The following SZT2 variants were observed in gnomAD, a reference collection of about 807,000 sequenced individuals.
SZT2 encodes the protein KICSTOR complex protein SZT2.
SZT2 carries 216 observed loss-of-function variants against 404.2 expected under a neutral mutation model. The ratio of observed to expected loss-of-function variants is 0.53; its 90% CI spans 0.48 to 0.60. SZT2 has a LOEUF of 0.60. SZT2 is among the 20% of genes least tolerant of loss of function. SZT2 has a pLI of 0.00. For missense variants in SZT2, 3,857 were observed against 4,459.2 expected (o/e 0.86, Z 3.85); for synonymous variants, 1,693 against 1,749.9 (o/e 0.97, Z 0.81).
intron 4 of SZT2, among the ~76,000 whole-genome samples, chr1:43,408,591 A>T (rs534319454): frequency 1.7e-4 from 26 of 152,014 alleles, no homozygotes; most frequent in African/African-American, 6.0e-4. Context: ...TTATTTTTTT[A>T]ACATATAGTA....
rs769980337 is a variant in SZT2, at chr1:43,432,454, G to A, written c.5442+15G>A. 3 of 1,561,816 alleles carry A rather than the reference G, an allele frequency of 1.9e-6. No homozygotes were observed. In the East Asian group the frequency reaches 6.7e-5, roughly 35 times the overall value. ...TCGAAGGGGAGGTGAGTCTCACCTG[G>A]GAATGGAGGGGGGTGGTGGGTGTGT... On this transcript the variant is annotated intron_variant, in intron 37 of 71. Transcript: ENST00000634258.
rs1481217219 is a variant in SZT2 at position 43,451,978 on chromosome 1, G to C, written c.*1498G>C. On this transcript the variant is annotated 3_prime_UTR_variant, in exon 72 of 72. Coordinates refer to ENST00000634258, the MANE Select transcript of SZT2 (RefSeq NM_001365999.1). ...GGAAGTACTGGGGGTCAGTGATGCGGGTGTTGATGGGCTCCAGCAGTCCCA... is the reference window on the plus strand; with the variant it reads ...GGAAGTACTGGGGGTCAGTGATGCGCGTGTTGATGGGCTCCAGCAGTCCCA... 6 of 1,611,232 alleles carry C rather than the reference G, an allele frequency of 3.7e-6. No homozygotes were observed. The African/African-American group carries it at 6.7e-5, about 18-fold the overall frequency.
In SZT2 at chr1:43,452,907, C is replaced by T; in HGVS notation, c.*2427C>T. 6.2e-7 allele frequency: 1 copy of T among 1,601,548 alleles called. No homozygotes were observed. The highest frequency in any genetic ancestry group is 8.5e-7 in the Non-Finnish European group (1 of 1,174,896). ...CCATCCCAACAGGCTACATACATGT[C>T]CAGCCTCAGGAACGCTGCCAAATAC... is the stretch of plus-strand genomic sequence containing the variant. On this transcript the variant is annotated 3_prime_UTR_variant, in exon 72 of 72. Transcript: ENST00000634258.
chr1:43,421,422 G>A, intron 11 of SZT2, 119 bp downstream of exon 11: 1 of 1,401,782 alleles, frequency 7.1e-7, no homozygotes, highest in East Asian at 2.3e-5. Context: ...ACCTAAGCCA[G>A]AAGCCCAAGC....
At position 43,426,664 on chromosome 1, in the gene SZT2, C is replaced by T. The variant is rs755308331; in HGVS notation, c.3215-51C>T. On this transcript the variant is annotated intron_variant, in intron 22 of 71. Coordinates refer to ENST00000634258, the MANE Select transcript of SZT2 (RefSeq NM_001365999.1). The surrounding 1 kb of genome is among the most constrained non-coding windows in gnomAD (Gnocchi z 4.9). ...TCCCCCTTTCTTCAACCCAGAGTCC[C>T]GCCTCTCTGCTGGCCCTGCCCTCTT... The T allele has an allele frequency of 9.1e-6, 14 of 1,534,882 alleles. No homozygotes were observed. Among genetic ancestry groups the T allele is most frequent in the Admixed American group, 7.9e-5 (4 of 50,906 alleles).
chr1:43,445,937 C>T lies in SZT2; in HGVS notation c.8869C>T (p.Arg2957Ter), dbSNP rs746704533. The T allele has an allele frequency of 8.1e-6, 13 of 1,614,234 alleles. No homozygotes were observed. The highest frequency in any genetic ancestry group is 1.1e-5 in the Non-Finnish European group (13 of 1,180,040). ...RAMAILGTEG[R>*]GSFSCPKTKT... ...CATGGCTATCCTTGGAACAGAGGGT[C>T]GAGGCTCCTTCTCCTGCCCTAAAAC... The change falls in exon 63 of 72, where the codon CGA becomes TGA. Residue 2957 changes from arginine to a stop codon, truncating the protein, a stop_gained. Transcript: ENST00000634258. LOFTEE classifies it high-confidence loss of function.
At position 43,425,524 on chromosome 1, in the gene SZT2, A is replaced by G. The variant is rs1350726078; in HGVS notation, c.2696A>G (p.Asp899Gly). 1 of 1,614,032 alleles carries G rather than the reference A, an allele frequency of 6.2e-7. No homozygotes were observed. The highest frequency in any genetic ancestry group is 2.2e-5 in the East Asian group (1 of 44,864). The change falls in exon 19 of 72, where the codon GAC becomes GGC. Residue 899 changes from aspartate (D) to glycine (G), a missense_variant. By Grantham distance (94) the Asp-to-Gly change is moderately conservative. Coordinates refer to ENST00000634258, the MANE Select transcript of SZT2 (RefSeq NM_001365999.1). This position sits in a 1 kb window ranked among gnomAD's most constrained non-coding sequence, Gnocchi z 4.3. ...GTGGAAGTGGAGGCCCTGGAGGGAGACTCAGAGCTCAATCTGGTCACTGAG... is the reference window on the plus strand; with the variant it reads ...GTGGAAGTGGAGGCCCTGGAGGGAGGCTCAGAGCTCAATCTGGTCACTGAG... ...NDVEVEALEG[D>G]SELNLVTEVW...
rs117151538 is a variant in SZT2, at chr1:43,419,043, A to C, written c.880-691A>C. Reference sequence around the variant, plus strand: ...TGAGAGGGCAGGGACTTGAATGAGTAATCTGGAGCAGGTCTGCAAACACTT... The same window carrying C: ...TGAGAGGGCAGGGACTTGAATGAGTCATCTGGAGCAGGTCTGCAAACACTT... On this transcript the variant is annotated intron_variant, in intron 7 of 71. Coordinates refer to ENST00000634258, the MANE Select transcript of SZT2 (RefSeq NM_001365999.1). 1.6e-3 allele frequency among the ~76,000 whole-genome samples: 246 copies of C among 152,300 alleles called. 2 individuals are homozygous for C. Among genetic ancestry groups the C allele is most frequent in the East Asian group, 0.011 (55 of 5,190 alleles).
intron 4 of SZT2, chr1:43,412,571 C>T (rs1651197079): frequency 1.3e-5 from 2 of 152,208 alleles, no homozygotes; most frequent in Non-Finnish European, 1.5e-5. Flanking sequence ...CACATGTGAA[C>T]CACTATGCTT....
At position 43,447,113 on chromosome 1, in the gene SZT2, C is replaced by T. The variant is rs896345160; in HGVS notation, c.9231C>T (p.His3077=). Residue 3077 remains histidine (H), a synonymous_variant, in exon 66 of 72, where the codon CAC becomes CAT. Transcript: ENST00000634258. ...HGYHLTTFLR[H]FLAHHPDGPH... ...ACCACCTCACCACCTTTCTGCGACA[C>T]TTCCTGGCCCACCACCCTGACGGAC... 3 of 1,613,930 alleles carry T rather than the reference C, an allele frequency of 1.9e-6. No individual in the cohort carries two copies. Among genetic ancestry groups the T allele is most frequent in the Admixed American group, 1.7e-5 (1 of 60,024 alleles).
chr1:43,454,001 A>T lies in SZT2; in HGVS notation c.*3521A>T, dbSNP rs574094752. 364 of 1,177,412 alleles carry T rather than the reference A, an allele frequency of 3.1e-4. 6 individuals are homozygous for T. In the Admixed American group the frequency reaches 0.015, roughly 47 times the overall value. 72.9% of individuals were successfully genotyped at this position (1,177,412 alleles called of 1,614,324 possible). A position where few individuals can be genotyped will look rare whatever the true frequency, so the allele number is the denominator to read the frequency against. Reference sequence around the variant, plus strand: ...GAGAGAGGGATCACGGGGAGAGGCGAAGGGGCGGAGCGAGGGCGGCCGGAA... The same window carrying T: ...GAGAGAGGGATCACGGGGAGAGGCGTAGGGGCGGAGCGAGGGCGGCCGGAA... On this transcript the variant is annotated 3_prime_UTR_variant, in exon 72 of 72. Transcript: ENST00000634258.
chr1:43,421,958 T>C, intron 11 of SZT2, 125 bp from the exon 12 acceptor site: 3 of 1,074,492 alleles, frequency 2.8e-6, no homozygotes, highest in Non-Finnish European at 2.6e-6. Flanking sequence ...GGCTGGGCTG[T>C]AGCCTCAAAC....
rs1482983849 is a variant in SZT2 at position 43,448,693 on chromosome 1, C to T, written c.10051C>T (p.His3351Tyr). The change falls in exon 70 of 72, where the codon CAT becomes TAT. Residue 3351 changes from histidine to tyrosine, a missense_variant. Around this residue, in one of 7 missense-constraint regions of SZT2, gnomAD observed 717 missense variants for 868.2 expected, o/e 0.83. Coordinates refer to ENST00000634258, the MANE Select transcript of SZT2 (RefSeq NM_001365999.1). This position sits in a 1 kb window ranked among gnomAD's most constrained non-coding sequence, Gnocchi z 4.2. ...AAGCCGCTTCCCCCAGAGCTGTCGC[C>T]ATTTCCAAAGCCCAGACTTGGGAAC... ...LLSRFPQSCR[H>Y]FQSPDLGTQY... 2.5e-6 allele frequency: 4 copies of T among 1,614,210 alleles called. No individual in the cohort carries two copies. The highest frequency in any genetic ancestry group is 3.3e-4 in the Middle Eastern group (2 of 6,060).
intron 1 of SZT2, among the ~76,000 whole-genome samples, chr1:43,397,863 T>C (rs1557503281): frequency 6.6e-6 from 1 of 152,082 alleles, no homozygotes; most frequent in Non-Finnish European, 1.5e-5. Context: ...CTGGCAGGTG[T>C]CATGAAGAAA....
At position 43,450,216 on chromosome 1, in the gene SZT2, T is replaced by C. The variant is rs1429314371; in HGVS notation, c.10155+45T>C. The stretch of plus-strand genomic sequence containing the variant: ...TTTGTGTCAGCCTCATGGGAGGCCG[T>C]ACCCCAAATGCTCCACCTCGGAGCC... On this transcript the variant is annotated intron_variant, in intron 71 of 71. Transcript: ENST00000634258. This position sits in a 1 kb window ranked among gnomAD's most constrained non-coding sequence, Gnocchi z 4.3. 1.2e-6 allele frequency: 2 copies of C among 1,613,864 alleles called. No homozygotes were observed. The highest frequency in any genetic ancestry group is 1.3e-5 in the African/African-American group (1 of 75,012).
At chr1:43,423,067 A>ACCT in intron 14 of SZT2, 32 bp from the exon 15 acceptor site, 3 of 1,554,348 alleles carry the variant, frequency 1.9e-6, no homozygotes, top group Non-Finnish European at 2.6e-6. Context: ...AGGAGATGGG[A>ACCT]GTAAGAGGAT....
rs1489442062 is a variant in SZT2, at chr1:43,430,368, G to C, written c.4459G>C (p.Ala1487Pro). 1.2e-6 allele frequency: 2 copies of C among 1,609,258 alleles called. No homozygotes were observed. Among genetic ancestry groups the C allele is most frequent in the Non-Finnish European group, 1.7e-6 (2 of 1,178,590 alleles). The stretch of plus-strand genomic sequence containing the variant: ...AATCAGTGACCTGGAGTTTTCAGAG[G>C]CTGAGCTTATGGGAGAAGAAGGTAT... ...RKISDLEFSEAELMGEEGDTS... is the reference protein window; with the variant it reads ...RKISDLEFSEPELMGEEGDTS... Residue 1487 changes from alanine (A) to proline (P), a missense_variant, in exon 31 of 72, where the codon GCT becomes CCT. Around this residue, in one of 7 missense-constraint regions of SZT2, gnomAD observed 1,725 missense variants for 1,881.0 expected, o/e 0.92. Transcript: ENST00000634258.
At chr1:43,407,804 TG>T (rs952358005) in intron 4 of SZT2, among the ~76,000 whole-genome samples, 29 of 151,138 alleles carry the variant, frequency 1.9e-4, no homozygotes, top group Non-Finnish European at 1.5e-4. Context: ...TAGTTGTTTC[TG>T]GGTATCGTAT....
rs1054332761 is a variant in SZT2 at position 43,450,649 on chromosome 1, C to T, written c.*169C>T. On this transcript the variant is annotated 3_prime_UTR_variant, in exon 72 of 72. Coordinates refer to ENST00000634258, the MANE Select transcript of SZT2 (RefSeq NM_001365999.1). The surrounding 1 kb of genome is among the most constrained non-coding windows in gnomAD (Gnocchi z 4.3). ...TTGAGGGTCTGCTGCCCCAGCCTGG[C>T]AGCAGGAACCGCCCTCCCCAAACAC... 1.2e-5 allele frequency: 12 copies of T among 1,040,066 alleles called. No individual in the cohort carries two copies. In the Admixed American group the frequency reaches 2.9e-4, roughly 25 times the overall value. The allele number at this position is 1,040,066 out of a possible 1,614,324, so 64.4% of individuals were successfully genotyped here.
Sources: allele counts gnomAD v4.1 joint callset (sites outside exome capture counted in the v4.1 genomes callset), GRCh38; gene constraint gnomAD v4.1.1; regional missense constraint gnomAD v4.1.1; non-coding constraint Gnocchi (gnomAD v3.1); transcripts MANE v1.5; gene names NCBI Gene and HGNC (gene_info 2026-07-23, HGNC 2026-07-21).